UBQLN1: variants seen among roughly 807,000 people sequenced by gnomAD.
The protein encoded by UBQLN1 is ubiquilin-1.
In UBQLN1, 13 loss-of-function variants were observed where a neutral mutation model predicts 65.4. The observed-to-expected ratio is 0.20, with a 90% confidence interval of 0.13 to 0.32. The LOEUF is 0.32. UBQLN1 is among the 10% of genes least tolerant of loss of function. UBQLN1 has a pLI of 1.00. For missense variants in UBQLN1, 561 were observed against 724.0 expected, an observed-to-expected ratio of 0.77 and a Z score of 2.58; for synonymous variants, 267 against 247.8, an observed-to-expected ratio of 1.08 and a Z score of -0.73.
intron 3 of UBQLN1, among the ~76,000 whole-genome samples, chr9:83,682,182 G>A (rs1223593091): frequency 6.6e-6 from 1 of 152,134 alleles, no homozygotes; most frequent in African/African-American, 2.4e-5. Context: ...CTACTCGGGA[G>A]GCTGAGGCAG....
intron 6 of UBQLN1, 56 bp downstream of exon 6, chr9:83,677,671 T>C (rs1459564351): frequency 8.4e-6 from 11 of 1,303,688 alleles, no homozygotes; most frequent in Non-Finnish European, 1.2e-5. Flanking sequence ...TAAACAATGT[T>C]TTAATTATGT....
intron 1 of UBQLN1, among the ~76,000 whole-genome samples, chr9:83,686,770 A>C (rs535030397): frequency 3.3e-5 from 5 of 152,116 alleles, no homozygotes; most frequent in Non-Finnish European, 7.4e-5. Context: ...AAATACCCCA[A>C]ATATGAAATG....
intron 1 of UBQLN1, among the ~76,000 whole-genome samples, chr9:83,705,196 T>TAAA (rs758886515): frequency 1.3e-5 from 2 of 151,150 alleles, no homozygotes; most frequent in African/African-American, 4.9e-5. Flanking sequence ...GGCGGGATGG[T>TAAA]AAAATGATAC....
At chr9:83,706,773 A>G (rs1323764297) in intron 1 of UBQLN1, among the ~76,000 whole-genome samples, 1 of 152,180 alleles carries the variant, frequency 6.6e-6, no homozygotes, top group Non-Finnish European at 1.5e-5. Context: ...CAACATCGCT[A>G]TCGCCCCTCT....
intron 1 of UBQLN1, among the ~76,000 whole-genome samples, chr9:83,695,796 T>C (rs1162461278): frequency 6.6e-6 from 1 of 152,142 alleles, no homozygotes; most frequent in Non-Finnish European, 1.5e-5. Context: ...CACACATATA[T>C]TTTCATGCCT....
chr9:83,667,414 A>G (rs762509825), intron 7 of UBQLN1: 162 of 778,214 alleles, frequency 2.1e-4, no homozygotes, highest in Non-Finnish European at 2.5e-4. Flanking sequence ...TTTAAGAGCA[A>G]TGTAAATGCT....
intron 7 of UBQLN1, 169 bp from the exon 8 acceptor site, chr9:83,666,602 C>T (rs1831647782): frequency 3.7e-6 from 2 of 540,570 alleles, no homozygotes; most frequent in Admixed American, 6.4e-5. Flanking sequence ...GAGGGATCTC[C>T]AGAAGAACAA....
intron 3 of UBQLN1, 76 bp downstream of exon 3, chr9:83,682,875 C>T: frequency 9.2e-6 from 6 of 655,602 alleles, no homozygotes; most frequent in South Asian, 3.3e-5. Context: ...TTTATTTTCT[C>T]ATTTTATCTG....
intron 9 of UBQLN1, 76 bp downstream of exon 9, chr9:83,664,954 A>C: frequency 7.0e-6 from 5 of 712,808 alleles, no homozygotes; most frequent in African/African-American, 1.9e-5. Context: ...AAAGGCAGGC[A>C]GAATAATACT....
chr9:83,682,901 G>T, intron 3 of UBQLN1, 50 bp downstream of exon 3: 1 of 1,011,578 alleles, frequency 9.9e-7, no homozygotes, highest in South Asian at 1.8e-5. Flanking sequence ...ACCCAGGAAG[G>T]GAAAGGAGTA....
chr9:83,687,389 C>T (rs991671680), intron 1 of UBQLN1, among the ~76,000 whole-genome samples: 2 of 152,180 alleles, frequency 1.3e-5, no homozygotes, highest in Non-Finnish European at 2.9e-5. Flanking sequence ...AATAGGAAAG[C>T]TTCAGAGTGG....
chr9:83,664,978 T>G (rs1831620800), intron 9 of UBQLN1, 52 bp downstream of exon 9: 3 of 897,378 alleles, frequency 3.3e-6, no homozygotes, highest in Middle Eastern at 2.4e-4. Context: ...TCTGAAATTC[T>G]CAGAGAAAGT....
intron 1 of UBQLN1, among the ~76,000 whole-genome samples, chr9:83,686,682 G>A (rs763327729): frequency 2.6e-5 from 4 of 152,108 alleles, no homozygotes; most frequent in African/African-American, 4.8e-5. Flanking sequence ...CTTCAGTCCT[G>A]TTCCTTTCTT....
At chr9:83,703,079 T>C (rs1832337974) in intron 1 of UBQLN1, among the ~76,000 whole-genome samples, 1 of 151,988 alleles carries the variant, frequency 6.6e-6, no homozygotes. Flanking sequence ...TATATAACTC[T>C]CCATTCTTCT....
At position 83,674,733 on chromosome 9, in the gene UBQLN1, C is replaced by T. The variant is rs541750609; in HGVS notation, c.1105+2994G>A. Among the ~76,000 whole-genome samples the T allele has an allele frequency of 1.4e-4, 22 of 152,286 alleles. 1 individual carries two copies. The South Asian group carries it at 4.6e-3, about 32-fold the overall frequency. On this transcript the variant is annotated intron_variant, in intron 6 of 10. Coordinates refer to ENST00000376395, the MANE Select transcript of UBQLN1 (RefSeq NM_013438.5). ...TATTTCTAAGTTCTTGATAAGCTGA[C>T]AGATGTTACTGATACTGCTCAATTG...
chr9:83,684,015 T>C (rs1355613145), intron 2 of UBQLN1, among the ~76,000 whole-genome samples: 1 of 151,830 alleles, frequency 6.6e-6, no homozygotes, highest in Non-Finnish European at 1.5e-5. Flanking sequence ...AGAGAGACTC[T>C]TGAAAAACAA....
intron 3 of UBQLN1, among the ~76,000 whole-genome samples, chr9:83,681,527 A>C (rs1026574079): frequency 6.6e-6 from 1 of 152,244 alleles, no homozygotes; most frequent in South Asian, 2.1e-4. Context: ...GATAACACTT[A>C]ATGAGTCTGG....
chr9:83,675,580 G>C (rs1254242478), intron 6 of UBQLN1, among the ~76,000 whole-genome samples: 1 of 152,126 alleles, frequency 6.6e-6, no homozygotes, highest in Non-Finnish European at 1.5e-5. Flanking sequence ...CAAATGCAAA[G>C]GCAACTGACA....
intron 10 of UBQLN1, among the ~76,000 whole-genome samples, chr9:83,662,263 C>CAT (rs754101768): frequency 2.2e-3 from 203 of 91,920 alleles, no homozygotes; most frequent in South Asian, 6.3e-3. Context: ...TGTGTATATA[C>CAT]ATATACATAT....
Sources: allele counts gnomAD v4.1 joint callset (sites outside exome capture counted in the v4.1 genomes callset), GRCh38; gene constraint gnomAD v4.1.1; transcripts MANE v1.5; gene names NCBI Gene and HGNC (gene_info 2026-07-23, HGNC 2026-07-21).